RYR2: variants seen among roughly 807,000 people sequenced by gnomAD.
RYR2 encodes cardiac muscle ryanodine receptor-calcium release channel.
RYR2 carries 227 observed loss-of-function variants against 601.1 expected under a neutral mutation model. The observed-to-expected ratio is 0.38, with a 90% CI of 0.34 to 0.42. RYR2 has a LOEUF of 0.42. RYR2 is among the 10% of genes least tolerant of loss of function. RYR2 has a pLI of 1.00. For missense variants in RYR2, 4,646 were observed against 6,156.5 expected (o/e 0.75, Z 8.21); for synonymous variants, 2,223 against 2,175.1 (o/e 1.02, Z -0.61).
intron 17 of RYR2, among the ~76,000 whole-genome samples, chr1:237,473,575 G>A (rs933996122): frequency 6.6e-6 from 1 of 151,870 alleles, no homozygotes; most frequent in African/African-American, 2.4e-5. Context: ...TATTGTAAGA[G>A]GCCTTTTATC....
intron 10 of RYR2, among the ~76,000 whole-genome samples, chr1:237,413,246 C>G (rs1314564293): frequency 6.6e-6 from 1 of 151,942 alleles, no homozygotes; most frequent in East Asian, 1.9e-4. Context: ...CTATACCTGC[C>G]AATGAAACTT....
At chr1:237,276,202 C>A (rs778247128) in intron 2 of RYR2, among the ~76,000 whole-genome samples, 11 of 152,170 alleles carry the variant, frequency 7.2e-5, no homozygotes, top group Non-Finnish European at 1.5e-4. Context: ...TGCATTCAAG[C>A]AATTCTCCTT....
intron 35 of RYR2, among the ~76,000 whole-genome samples, chr1:237,609,569 G>C (rs1434187907): frequency 6.6e-6 from 1 of 151,720 alleles, no homozygotes; most frequent in Non-Finnish European, 1.5e-5. Flanking sequence ...TTTTAGCAGT[G>C]GGCCAGGCTG....
intron 1 of RYR2, among the ~76,000 whole-genome samples, chr1:237,229,767 C>T (rs952493046): frequency 6.6e-6 from 1 of 152,114 alleles, no homozygotes; most frequent in Admixed American, 6.5e-5. Flanking sequence ...AGAATAAAAA[C>T]CAGAGGGCTT....
chr1:237,205,969 T>C (rs1558422588), intron 1 of RYR2, among the ~76,000 whole-genome samples: 1 of 152,140 alleles, frequency 6.6e-6, no homozygotes, highest in South Asian at 2.1e-4. Context: ...GGTCTAGAAA[T>C]TGGAGAAGTT....
intron 27 of RYR2, among the ~76,000 whole-genome samples, chr1:237,565,183 CTTTCTTTCTTTCTTT>C (rs1671904863): frequency 1.6e-5 from 1 of 64,204 alleles, no homozygotes; most frequent in African/African-American, 5.2e-5. Context: ...TTCTTTCTTT[CTTTCTTTCTTTCTTT>C]CTTTCTTTCT....
At chr1:237,492,830 A>AGGAG in intron 18 of RYR2, 124 bp from the exon 19 acceptor site, 1 of 686,976 alleles carries the variant, frequency 1.5e-6, no homozygotes, top group Non-Finnish European at 2.2e-6. Flanking sequence ...TCTGAAAGGA[A>AGGAG]GGAAGGAAGG....
intron 17 of RYR2, 104 bp from the exon 18 acceptor site, chr1:237,491,701 AT>A: frequency 1.6e-6 from 1 of 639,910 alleles, no homozygotes; most frequent in South Asian, 1.8e-5. Context: ...AGCACAGATA[AT>A]TACATGTTGT....
chr1:237,624,011 TA>T (rs1389785525), intron 39 of RYR2, 141 bp downstream of exon 39: 8 of 637,148 alleles, frequency 1.3e-5, no homozygotes, highest in Non-Finnish European at 1.9e-5. Context: ...CATTTATTAT[TA>T]TGGCAAAATG....
chr1:237,496,128 G>A (rs1044805679), intron 19 of RYR2, among the ~76,000 whole-genome samples: 1 of 152,166 alleles, frequency 6.6e-6, no homozygotes, highest in African/African-American at 2.4e-5. Flanking sequence ...GATGTGGCTG[G>A]GCACGGTGGC....
At chr1:237,688,339 C>A (rs1879672) in intron 63 of RYR2, among the ~76,000 whole-genome samples, 148,794 of 152,168 alleles carry the variant, frequency 0.98, 72,826 homozygotes, top group East Asian at 1. Flanking sequence ...ATTTACAGGA[C>A]AAGCTAAGGA....
chr1:237,224,612 C>T (rs1264209077), intron 1 of RYR2, among the ~76,000 whole-genome samples: 1 of 152,182 alleles, frequency 6.6e-6, no homozygotes, highest in African/African-American at 2.4e-5. Flanking sequence ...AATCTCAGTA[C>T]TGTGGGAGGC....
intron 68 of RYR2, 56 bp downstream of exon 68, chr1:237,707,325 T>A: frequency 2.2e-6 from 2 of 915,042 alleles, no homozygotes; most frequent in Non-Finnish European, 3.1e-6. Context: ...TCCAAAAGAA[T>A]TTTAAATACA....
intron 1 of RYR2, among the ~76,000 whole-genome samples, chr1:237,231,454 C>A (rs1484269412): frequency 1.3e-5 from 2 of 152,060 alleles, no homozygotes; most frequent in Non-Finnish European, 2.9e-5. Flanking sequence ...CACTACTGCA[C>A]CCATCTTTTA....
intron 1 of RYR2, among the ~76,000 whole-genome samples, chr1:237,085,421 C>G (rs1426796461): frequency 6.6e-6 from 1 of 152,168 alleles, no homozygotes; most frequent in Non-Finnish European, 1.5e-5. Flanking sequence ...AAATCTACCC[C>G]ATCAGATAAA....
At chr1:237,659,182 C>A (rs74147189) in intron 54 of RYR2, among the ~76,000 whole-genome samples, 1,898 of 152,272 alleles carry the variant, frequency 0.012, 46 homozygotes, top group African/African-American at 0.043. Flanking sequence ...TCTGCCCTGG[C>A]CAGCCAGTCT....
At position 237,513,013 on chromosome 1, in the gene RYR2, G is replaced by A. The variant is rs76540611; in HGVS notation, c.2822+1222G>A. 5.3e-3 allele frequency among the ~76,000 whole-genome samples: 808 copies of A among 152,330 alleles called. 5 individuals are homozygous for A. Among genetic ancestry groups the A allele is most frequent in the African/African-American group, 0.018 (766 of 41,572 alleles). ...TGGGTTCAGGTGATTCTCTGGCCCA[G>A]TCTGGGTATCTAGGACTACAGGAGC... On this transcript the variant is annotated intron_variant, in intron 24 of 104. Transcript: ENST00000366574.
At chr1:237,334,632 A>G (rs144244614) in intron 3 of RYR2, among the ~76,000 whole-genome samples, 18 of 152,242 alleles carry the variant, frequency 1.2e-4, no homozygotes, top group African/African-American at 4.1e-4. Flanking sequence ...GGCAACGAGA[A>G]GGAGAAGGTG....
intron 10 of RYR2, among the ~76,000 whole-genome samples, chr1:237,392,717 C>CT (rs1702486318): frequency 6.6e-6 from 1 of 151,980 alleles, no homozygotes; most frequent in Admixed American, 6.6e-5. Context: ...ACTGTGCATA[C>CT]TTTTATATTG....
Sources: gnomAD v4.1 joint callset for allele counts (sites outside exome capture counted in the v4.1 genomes callset) on GRCh38, gnomAD v4.1.1 for gene constraint, MANE v1.5 for transcripts, NCBI Gene and HGNC (gene_info 2026-07-23, HGNC 2026-07-21) for gene names.